The following SCML4 variants were observed in gnomAD, a reference collection of about 807,000 sequenced individuals.
SCML4 encodes the protein sex comb on midleg-like protein 4.
A neutral mutation model predicts 41.1 loss-of-function variants in SCML4; 34 were observed. The observed-to-expected ratio is 0.83, with a 90% confidence interval of 0.63 to 1.10. The LOEUF (loss-of-function observed/expected upper bound fraction) is 1.10, where lower values mean the gene tolerates loss of function less well. Ranked by LOEUF, SCML4 falls within the 50% of genes least tolerant of loss-of-function variation. SCML4 has a pLI of 0.00. For missense variants in SCML4, 522 were observed against 534.1 expected (o/e 0.98, Z 0.22); for synonymous variants, 214 against 220.9 (o/e 0.97, Z 0.28).
chr6:107,816,511 G>A (rs1376053289), intron 1 of SCML4, among the ~76,000 whole-genome samples: 3 of 152,150 alleles, frequency 2.0e-5, no homozygotes, highest in African/African-American at 7.2e-5. Flanking sequence ...GATGGATTCT[G>A]TGCAGCTCTG....
intron 2 of SCML4, among the ~76,000 whole-genome samples, chr6:107,753,546 C>T (rs1331849544): frequency 2.0e-5 from 3 of 152,060 alleles, no homozygotes; most frequent in Admixed American, 6.6e-5. Context: ...AGATTGGTTG[C>T]ATGACAATGT....
chr6:107,745,176 G>A lies in SCML4; in HGVS notation c.488-33C>T, dbSNP rs189161625. On this transcript the variant is annotated intron_variant, in intron 4 of 7. Transcript: ENST00000369020. ...ACCAGAGAGATGTCAGCTTAGAGCC[G>A]GGCACTGGAGAAAACCGCAAGTCAA... is the stretch of plus-strand genomic sequence containing the variant. 460 of 1,475,682 alleles carry A rather than the reference G, an allele frequency of 3.1e-4. 1 individual carries two copies. In the African/African-American group the frequency reaches 5.4e-3, roughly 17 times the overall value. 91.4% of individuals were successfully genotyped at this position (1,475,682 alleles called of 1,614,324 possible).
At chr6:107,844,591 T>C in the SCML4 span, among the ~76,000 whole-genome samples, 3 of 152,002 alleles carry the variant, frequency 2.0e-5, no homozygotes, top group African/African-American at 7.3e-5. Flanking sequence ...CCCAGCTACT[T>C]GGGAGGCTGA....
chr6:107,745,952 C>T (rs1583471250), intron 4 of SCML4: 1 of 152,102 alleles, frequency 6.6e-6, no homozygotes, highest in Admixed American at 6.5e-5. Context: ...GTGATTGTGC[C>T]ACTGCACTCT....
chr6:107,709,519 A>C (rs1774028907), intron 6 of SCML4, among the ~76,000 whole-genome samples: 1 of 152,120 alleles, frequency 6.6e-6, no homozygotes, highest in African/African-American at 2.4e-5. Context: ...GTCTGGGTAC[A>C]CTTGTTGTGA....
intron 2 of SCML4, among the ~76,000 whole-genome samples, chr6:107,768,270 C>A (rs9486685): frequency 3.9e-5 from 6 of 152,016 alleles, no homozygotes; most frequent in African/African-American, 1.5e-4. Flanking sequence ...GGTCCCCACC[C>A]CATGGAGCCA....
chr6:107,816,477 C>T (rs938653734), intron 1 of SCML4, among the ~76,000 whole-genome samples: 6 of 152,192 alleles, frequency 3.9e-5, no homozygotes, highest in African/African-American at 1.4e-4. Flanking sequence ...CTTTTCTGAA[C>T]TGGAATCCGT....
chr6:107,765,547 A>G (rs535773440), intron 2 of SCML4, among the ~76,000 whole-genome samples: 47 of 152,230 alleles, frequency 3.1e-4, no homozygotes, highest in Admixed American at 5.9e-4. Flanking sequence ...TACACTTACA[A>G]GTTAATAAAG....
rs1306711643 is a variant in SCML4, at chr6:107,720,933, ACGCTGTAGCG to A, written c.733_742del (p.Arg245TrpfsTer58). 12 of 1,614,002 alleles carry A rather than the reference ACGCTGTAGCG, an allele frequency of 7.4e-6. No individual in the cohort carries two copies. Among genetic ancestry groups the A allele is most frequent in the Non-Finnish European group, 9.3e-6 (11 of 1,179,940 alleles). ...GTTAAAGGTGGAGGCGGAGGTGTCC[ACGCTGTAGCG>A]GTTCATGCCCACAGGGTTCACCAGG... On this transcript the variant is annotated frameshift_variant, in exon 6 of 8. Coordinates refer to ENST00000369020, the MANE Select transcript of SCML4 (RefSeq NM_198081.5). LOFTEE classifies it high-confidence loss of function.
At chr6:107,834,293 C>T in the SCML4 span, among the ~76,000 whole-genome samples, 108 of 152,200 alleles carry the variant, frequency 7.1e-4, 1 homozygote, top group Non-Finnish European at 1.3e-3. Flanking sequence ...TTAACCCTGA[C>T]GGAGTGAAGG....
In SCML4 at chr6:107,762,738, C is replaced by T. The variant is rs375097671; in HGVS notation, c.156+9434G>A. Among the ~76,000 whole-genome samples the T allele has an allele frequency of 6.6e-5, 10 of 152,226 alleles. 1 individual carries two copies. In the East Asian group the frequency reaches 1.7e-3, roughly 26 times the overall value. ...GAGACATGGAACAGATTCTTCCTTACAGGCTCAGAAAGAACCAACACTACC... is the reference window on the plus strand; with the variant it reads ...GAGACATGGAACAGATTCTTCCTTATAGGCTCAGAAAGAACCAACACTACC... On this transcript the variant is annotated intron_variant, in intron 2 of 7. Coordinates refer to ENST00000369020, the MANE Select transcript of SCML4 (RefSeq NM_198081.5).
chr6:107,720,053 A>T, intron 6 of SCML4: 1 of 985,466 alleles, frequency 1.0e-6, no homozygotes, highest in Non-Finnish European at 1.2e-6. Context: ...CATTGGGGGA[A>T]TTTTGCCTAA....
chr6:107,762,874 CTCTTT>C (rs1387815367), intron 2 of SCML4, among the ~76,000 whole-genome samples: 3 of 112,472 alleles, frequency 2.7e-5, no homozygotes, highest in Non-Finnish European at 5.1e-5. Flanking sequence ...AATAAATGCA[CTCTTT>C]TTTTTTTTTT....
At chr6:107,719,598 A>C (rs1319042017) in intron 6 of SCML4, 1 of 152,224 alleles carries the variant, frequency 6.6e-6, no homozygotes, top group Non-Finnish European at 1.5e-5. Flanking sequence ...TGATCTGTTA[A>C]GGGATGTGTT....
At position 107,745,008 on chromosome 6, in the gene SCML4, G is replaced by C. The variant is rs778617727; in HGVS notation, c.623C>G (p.Pro208Arg). Residue 208 changes from proline (P) to arginine (R), a missense_variant, in exon 5 of 8, where the codon CCC becomes CGC. Physicochemically the swap from Pro to Arg is moderately radical, Grantham distance 103. Coordinates refer to ENST00000369020, the MANE Select transcript of SCML4 (RefSeq NM_198081.5). ...CDDLFSHQPFPRGCSASEKVQ... is the reference protein window; with the variant it reads ...CDDLFSHQPFRRGCSASEKVQ... The stretch of plus-strand genomic sequence containing the variant: ...TTTCTCAGAGGCACTGCAGCCCCTG[G>C]GGAAGGGCTGGTGGCTGAAGAGGTC... 3 of 1,613,858 alleles carry C rather than the reference G, an allele frequency of 1.9e-6. No homozygotes were observed. Among genetic ancestry groups the C allele is most frequent in the South Asian group, 1.1e-5 (1 of 91,042 alleles).
At chr6:107,837,237 A>G in the SCML4 span, among the ~76,000 whole-genome samples, 28 of 152,228 alleles carry the variant, frequency 1.8e-4, no homozygotes, top group South Asian at 8.3e-4. Flanking sequence ...GTATGGAACC[A>G]TTAGGAACCA....
chr6:107,754,017 G>A lies in SCML4; in HGVS notation c.157-4204C>T, dbSNP rs182890172. Among the ~76,000 whole-genome samples the A allele has an allele frequency of 3.8e-3, 576 of 152,322 alleles. 2 individuals carry two copies. Among genetic ancestry groups the A allele is most frequent in the South Asian group, 9.1e-3 (44 of 4,820 alleles). ...GAGTGGGAGGACAGAGGAGGTGGGTGTGGTCATGAACTGGGAGAGTAGGAG... is the reference window on the plus strand; with the variant it reads ...GAGTGGGAGGACAGAGGAGGTGGGTATGGTCATGAACTGGGAGAGTAGGAG... On this transcript the variant is annotated intron_variant, in intron 2 of 7. Transcript: ENST00000369020.
intron 1 of SCML4, among the ~76,000 whole-genome samples, chr6:107,773,708 G>T (rs943230619): frequency 2.0e-5 from 3 of 152,112 alleles, no homozygotes; most frequent in Admixed American, 2.0e-4. Context: ...GAGTTCAGGG[G>T]TCAGACTTCC....
chr6:107,770,536 G>A (rs1780431761), intron 2 of SCML4, among the ~76,000 whole-genome samples: 1 of 152,188 alleles, frequency 6.6e-6, no homozygotes, highest in Non-Finnish European at 1.5e-5. Flanking sequence ...AGGAAGAGGA[G>A]TGGCCTACTT....
Sources: gnomAD v4.1 joint callset for allele counts (sites outside exome capture counted in the v4.1 genomes callset) on GRCh38, gnomAD v4.1.1 for gene constraint, MANE v1.5 for transcripts, NCBI Gene and HGNC (gene_info 2026-07-23, HGNC 2026-07-21) for gene names.